TCF3: variants seen among roughly 807,000 people sequenced by gnomAD.
TCF3 encodes the protein transcription factor E2-alpha.
Under a neutral mutation model 72.3 loss-of-function variants are expected in TCF3, and 54 were observed. That is an observed-to-expected ratio of 0.75 (90% CI 0.60 to 0.94). The LOEUF (loss-of-function observed/expected upper bound fraction) is 0.94. Ranked by LOEUF, TCF3 falls within the 40% of genes least tolerant of loss-of-function variation. The pLI is 0.00. For synonymous variants in TCF3, 525 were observed against 412.6 expected, an observed-to-expected ratio of 1.27 and a Z score of -3.30; for missense variants, 1,078 against 934.4, an observed-to-expected ratio of 1.15 and a Z score of -2.00.
At chr19:1,638,351 A>G (rs2064753728) in intron 3 of TCF3, among the ~76,000 whole-genome samples, 1 of 152,206 alleles carries the variant, frequency 6.6e-6, no homozygotes, top group African/African-American at 2.4e-5. Context: ...TTATGAACAG[A>G]TACAATGTTT....
intron 3 of TCF3, among the ~76,000 whole-genome samples, chr19:1,637,401 G>A (rs1022279200): frequency 6.6e-6 from 1 of 152,188 alleles, no homozygotes; most frequent in African/African-American, 2.4e-5. Flanking sequence ...CTCCCCCAAG[G>A]CCCTGGGGTT....
At chr19:1,650,710 T>C (rs2066888977) in intron 1 of TCF3, 1 of 233,922 alleles carries the variant, frequency 4.3e-6, no homozygotes, top group Non-Finnish European at 8.4e-6. Flanking sequence ...AACAGCCCGA[T>C]CCTACCCCGC....
chr19:1,649,610 T>C (rs1192592394), intron 2 of TCF3, among the ~76,000 whole-genome samples: 3 of 152,056 alleles, frequency 2.0e-5, no homozygotes, highest in Admixed American at 6.5e-5. Context: ...TTTTGAGAAA[T>C]GGGGCCTCAC....
rs576172340 is a variant in TCF3, at chr19:1,613,394, G to A, written c.1823-1545C>T. ...GAGGGAGATGGGGCCCTGCTTCCCC[G>A]TCTGGGAGCCCACAGGGTAACTGCT... On this transcript the variant is annotated intron_variant, in intron 18 of 18. Transcript: ENST00000262965. Among the ~76,000 whole-genome samples, 16 of 152,192 alleles carry A rather than the reference G, an allele frequency of 1.1e-4. No homozygotes were observed. The South Asian group carries it at 2.5e-3, about 24-fold the overall frequency.
Position 1,614,417 on chromosome 19 carries a change from C to A in TCF3, c.1822+868G>T, listed in dbSNP as rs1025339404. Among the ~76,000 whole-genome samples, 2 of 151,998 alleles carry A rather than the reference C, an allele frequency of 1.3e-5. No individual in the cohort carries two copies. Among genetic ancestry groups the A allele is most frequent in the African/African-American group, 4.8e-5 (2 of 41,352 alleles). On this transcript the variant is annotated intron_variant, in intron 18 of 18. Transcript: ENST00000262965. This position sits in a 1 kb window ranked among gnomAD's most constrained non-coding sequence, Gnocchi z 5.6. ...GCTCCCGGTGCTCGGGCAGCAAGTG[C>A]GAGGTGAGGAGGGGCTGCCACGGGA...
intron 2 of TCF3, 143 bp downstream of exon 2, chr19:1,650,034 C>A (rs1309157529): frequency 6.2e-6 from 5 of 803,292 alleles, no homozygotes; most frequent in Non-Finnish European, 9.6e-6. Context: ...GAGCGGCCCA[C>A]TCCCCCAGCC....
rs543999967 is a variant in TCF3, at chr19:1,647,936, AGGGC to A, written c.73-1513_73-1510del. 1.4e-3 allele frequency among the ~76,000 whole-genome samples: 206 copies of A among 152,286 alleles called. 1 individual carries two copies. The highest frequency in any genetic ancestry group is 8.1e-4 in the Non-Finnish European group (55 of 68,016). On this transcript the variant is annotated intron_variant, in intron 2 of 18. Coordinates refer to ENST00000262965, the MANE Select transcript of TCF3 (RefSeq NM_003200.5). ...AGCCCATGGGAGTCTCGCACGCGGC[AGGGC>A]CTGGGGAGCTCGCTTCCAACAGCCT...
At chr19:1,627,538 G>C in intron 5 of TCF3, 112 bp from the exon 6 acceptor site, 1 of 941,852 alleles carries the variant, frequency 1.1e-6, no homozygotes, top group Non-Finnish European at 1.7e-6. Flanking sequence ...ACACGACTGA[G>C]AGCGCCACGG....
Position 1,646,432 on chromosome 19 carries a change from A to G in TCF3, c.73-5T>C. Reference sequence around the variant, plus strand: ...GGTGACAGGCAGCGGGAACATCTGCAGGGAGGGGAGGGGAGACGTGAGCGG... The same window carrying G: ...GGTGACAGGCAGCGGGAACATCTGCGGGGAGGGGAGGGGAGACGTGAGCGG... On this transcript the variant is annotated splice_region_variant and splice_polypyrimidine_tract_variant and intron_variant, in intron 2 of 18. Coordinates refer to ENST00000262965, the MANE Select transcript of TCF3 (RefSeq NM_003200.5). 1 of 1,502,672 alleles carries G rather than the reference A, an allele frequency of 6.7e-7. No homozygotes were observed. The highest frequency in any genetic ancestry group is 9.0e-7 in the Non-Finnish European group (1 of 1,110,548). The allele number at this position is 1,502,672 out of a possible 1,614,324, so 93.1% of individuals were successfully genotyped here. A position where few individuals can be genotyped will look rare whatever the true frequency, so the allele number is the denominator to read the frequency against.
chr19:1,611,990 C>CCTCCTTCCTT (rs1460859976), intron 18 of TCF3, 141 bp from the exon 19 acceptor site: 1 of 768,066 alleles, frequency 1.3e-6, no homozygotes, highest in African/African-American at 1.8e-5. Flanking sequence ...CCGGCTCTCA[C>CCTCCTTCCTT]CTCCTTCCTT....
At chr19:1,645,316 G>C (rs1006800379) in intron 3 of TCF3, among the ~76,000 whole-genome samples, 2 of 152,042 alleles carry the variant, frequency 1.3e-5, no homozygotes, top group Non-Finnish European at 2.9e-5. Context: ...AAAGAGACCC[G>C]TGGCTCTGAA....
rs560006396 is a variant in TCF3, at chr19:1,611,091, T to A, written c.*616A>T. 18 of 231,502 alleles carry A rather than the reference T, an allele frequency of 7.8e-5. No homozygotes were observed. The highest frequency in any genetic ancestry group is 1.5e-4 in the Non-Finnish European group (18 of 117,270). The allele number at this position is 231,502 out of a possible 1,614,324, so 14.3% of individuals were successfully genotyped here. A position where few individuals can be genotyped will look rare whatever the true frequency, so the allele number is the denominator to read the frequency against. ...AAAAATTTGTTGCTTACAAAACATA[T>A]GCAAAAAAAGCTTAAAAAAACCAGA... On this transcript the variant is annotated 3_prime_UTR_variant, in exon 19 of 19. Transcript: ENST00000262965.
intron 2 of TCF3, 22 bp from the exon 3 acceptor site, chr19:1,646,449 CG>C: frequency 6.7e-7 from 1 of 1,499,566 alleles, no homozygotes; most frequent in Non-Finnish European, 9.1e-7. Context: ...GGAGGGGAGA[CG>C]TGAGCGGGGC....
At chr19:1,646,310 T>C (rs1033458964) in intron 3 of TCF3, 45 bp downstream of exon 3, 26 of 1,537,318 alleles carry the variant, frequency 1.7e-5, no homozygotes, top group Non-Finnish European at 2.2e-5. Context: ...AACAGACCCT[T>C]GATCTCCTCA....
chr19:1,631,947 T>C (rs1007955764), intron 5 of TCF3, 91 bp downstream of exon 5: 6 of 1,552,076 alleles, frequency 3.9e-6, no homozygotes, highest in Non-Finnish European at 4.3e-6. Flanking sequence ...CGCTGGGGAC[T>C]TGCCTGGCGC....
intron 5 of TCF3, among the ~76,000 whole-genome samples, chr19:1,629,772 T>C (rs1037605966): frequency 1.3e-5 from 2 of 152,184 alleles, no homozygotes; most frequent in Non-Finnish European, 2.9e-5. Context: ...TGTACATTAT[T>C]CTCAAAGCAG....
chr19:1,651,240 G>A (rs1485283772), intron 1 of TCF3: 1 of 227,774 alleles, frequency 4.4e-6, no homozygotes, highest in Non-Finnish European at 8.7e-6. Context: ...ACTTTCCCCA[G>A]GGGTCCCCAG....
rs1198582771 is a variant in TCF3, at chr19:1,611,803, C to G, written c.1869G>C (p.Glu623Asp). The change falls in exon 19 of 19, where the codon GAG (glutamate) becomes GAC (aspartate). Residue 623 changes from glutamate to aspartate, a missense_variant. Glu to Asp is a conservative substitution (Grantham distance 45). Transcript: ENST00000262965. ...CTCCAACCACACCTGACACCTTTTCCTCTTCTCGCCGTTTCAAACAGGCTG... is the reference window on the plus strand; with the variant it reads ...CTCCAACCACACCTGACACCTTTTCGTCTTCTCGCCGTTTCAAACAGGCTG... ...PKAACLKRRE[E>D]EKVSGVVGDP... 1 of 1,613,614 alleles carries G rather than the reference C, an allele frequency of 6.2e-7. No homozygotes were observed. The highest frequency in any genetic ancestry group is 8.5e-7 in the Non-Finnish European group (1 of 1,179,946).
At chr19:1,651,409 C>A (rs1404763000) in intron 1 of TCF3, 4 of 227,268 alleles carry the variant, frequency 1.8e-5, no homozygotes, top group Non-Finnish European at 3.5e-5. Context: ...GCCCCTCCCC[C>A]GCTCAGTTTT....
Sources: allele counts gnomAD v4.1 joint callset (sites outside exome capture counted in the v4.1 genomes callset), GRCh38; gene constraint gnomAD v4.1.1; non-coding constraint Gnocchi (gnomAD v3.1); transcripts MANE v1.5; gene names NCBI Gene and HGNC (gene_info 2026-07-23, HGNC 2026-07-21).